The following ETNPPL variants were observed in gnomAD, a reference collection of about 807,000 sequenced individuals.
The protein encoded by ETNPPL is ethanolamine-phosphate phospho-lyase, also known as alanine--glyoxylate aminotransferase 2-like 1.
A neutral mutation model predicts 55.5 loss-of-function variants in ETNPPL; 30 were observed. The observed-to-expected ratio is 0.54, with a 90% confidence interval of 0.40 to 0.73. The LOEUF (loss-of-function observed/expected upper bound fraction) is 0.73, where lower values mean the gene tolerates loss of function less well. ETNPPL is among the 30% of genes least tolerant of loss of function. The probability of loss-of-function intolerance (pLI) is 0.00; values close to 1 mark genes in which losing one functional copy is unlikely to be tolerated. For missense variants in ETNPPL, 528 were observed against 607.9 expected (o/e 0.87, Z 1.38); for synonymous variants, 202 against 207.2 (o/e 0.98, Z 0.21).
chr4:108,754,272 C>T (rs1207886549), intron 5 of ETNPPL, among the ~76,000 whole-genome samples: 1 of 151,986 alleles, frequency 6.6e-6, no homozygotes, highest in Non-Finnish European at 1.5e-5. Flanking sequence ...GCCACTGTGC[C>T]CGGCCAAGAG....
rs370391807 is a variant in ETNPPL at position 108,742,457 on chromosome 4, C to T, written c.*27G>A. On this transcript the variant is annotated 3_prime_UTR_variant, in exon 13 of 13. Transcript: ENST00000296486. ...ACTCATTCTCTGTAACTCTGGACAT[C>T]GCATCTTGCTTTAAAATGCAAATCA... The T allele has an allele frequency of 3.2e-5, 52 of 1,612,624 alleles. No individual in the cohort carries two copies. In the African/African-American group the frequency reaches 6.1e-4, roughly 19 times the overall value.
At chr4:108,762,499 C>G (rs925468272) in intron 1 of ETNPPL, 2 of 667,548 alleles carry the variant, frequency 3.0e-6, no homozygotes, top group Non-Finnish European at 5.5e-6. Flanking sequence ...GAGCGCTATC[C>G]TTCTTCCACC....
intron 11 of ETNPPL, 79 bp downstream of exon 11, chr4:108,746,320 T>C: frequency 1.5e-6 from 2 of 1,338,100 alleles, no homozygotes; most frequent in Non-Finnish European, 2.0e-6. Flanking sequence ...ATGCATATGC[T>C]CATTATGACT....
chr4:108,762,887 C>T lies in ETNPPL; in HGVS notation c.12G>A (p.Leu4=), dbSNP rs1729587876. 6.2e-7 allele frequency: 1 copy of T among 1,613,978 alleles called. No homozygotes were observed. Among genetic ancestry groups the T allele is most frequent in the African/African-American group, 1.3e-5 (1 of 74,946 alleles). The stretch of plus-strand genomic sequence containing the variant: ...GCCCCAGAGTGTCCCGCTTACTGTA[C>T]AGCTCGCACATGGTGGCGGGGTGCA... MCE[L]YSKRDTLGLR... Residue 4 remains leucine, a synonymous_variant, in exon 1 of 13, where the codon CTG becomes CTA. Transcript: ENST00000296486.
At chr4:108,759,521 C>T (rs1729403537) in intron 3 of ETNPPL, among the ~76,000 whole-genome samples, 1 of 151,802 alleles carries the variant, frequency 6.6e-6, no homozygotes, top group South Asian at 2.1e-4. Flanking sequence ...CTACTTATTG[C>T]ACTGCCTGAG....
intron 1 of ETNPPL, among the ~76,000 whole-genome samples, chr4:108,761,018 T>C (rs941800560): frequency 1.3e-5 from 2 of 152,236 alleles, no homozygotes; most frequent in African/African-American, 4.8e-5. Context: ...ACTTGTCCAG[T>C]ATCAAATGGA....
rs372065522 is a variant in ETNPPL at position 108,752,965 on chromosome 4, G to C, written c.548C>G (p.Ala183Gly). Reference protein sequence around the residue: ...TYRGKYREDHADSASAYADEV... With the variant: ...TYRGKYREDHGDSASAYADEV... ...ATCTGCATAAGCACTGGCTGAGTCT[G>C]CATGGTCTTCTCTATATTTTCCTCT... Residue 183 changes from alanine (A) to glycine (G), a missense_variant, in exon 6 of 13, where the codon GCA (alanine) becomes GGA (glycine). Coordinates refer to ENST00000296486, the MANE Select transcript of ETNPPL (RefSeq NM_031279.4). 1.1e-5 allele frequency: 17 copies of C among 1,612,068 alleles called. No homozygotes were observed. Among genetic ancestry groups the C allele is most frequent in the Non-Finnish European group, 1.4e-5 (17 of 1,178,912 alleles).
intron 6 of ETNPPL, among the ~76,000 whole-genome samples, chr4:108,752,151 T>C (rs888466139): frequency 2.0e-5 from 3 of 152,170 alleles, no homozygotes; most frequent in African/African-American, 7.2e-5. Context: ...TGAATGGCTC[T>C]CTAGTCATGA....
chr4:108,746,557 T>C (rs1228952824), intron 10 of ETNPPL, 28 bp from the exon 11 acceptor site: 8 of 1,608,634 alleles, frequency 5.0e-6, no homozygotes, highest in Non-Finnish European at 6.8e-6. Flanking sequence ...TACATGTGAG[T>C]GTATGCAAAG....
chr4:108,744,736 T>C (rs1578373835), intron 11 of ETNPPL, among the ~76,000 whole-genome samples: 1 of 147,122 alleles, frequency 6.8e-6, no homozygotes, highest in East Asian at 2.5e-4. Context: ...TTTTTTTTTT[T>C]TGGAGACAGG....
chr4:108,761,788 T>C (rs1350743698), intron 1 of ETNPPL, among the ~76,000 whole-genome samples: 3 of 152,176 alleles, frequency 2.0e-5, no homozygotes, highest in Non-Finnish European at 4.4e-5. Flanking sequence ...CTGAGAGAGA[T>C]GGAACTAGTC....
intron 5 of ETNPPL, among the ~76,000 whole-genome samples, chr4:108,753,864 C>G (rs1729067616): frequency 6.6e-6 from 1 of 151,456 alleles, no homozygotes; most frequent in Non-Finnish European, 1.5e-5. Context: ...AAGACAAACA[C>G]ACCAAATAAA....
chr4:108,743,742 C>A, intron 12 of ETNPPL, 47 bp downstream of exon 12: 1 of 1,338,588 alleles, frequency 7.5e-7, no homozygotes, highest in South Asian at 1.2e-5. Flanking sequence ...TTAAACATTC[C>A]CCAAATTTTA....
At chr4:108,750,855 A>G in intron 7 of ETNPPL, 81 bp downstream of exon 7, 2 of 1,022,694 alleles carry the variant, frequency 2.0e-6, no homozygotes, top group Non-Finnish European at 3.1e-6. Context: ...AATTATTTTA[A>G]TATCTTAGCA....
chr4:108,762,660 G>C, intron 1 of ETNPPL, 183 bp downstream of exon 1: 4 of 738,644 alleles, frequency 5.4e-6, no homozygotes, highest in East Asian at 2.7e-5. Context: ...CGGGTTCCAG[G>C]AGCGTTTCTG....
At chr4:108,762,750 C>A in intron 1 of ETNPPL, 93 bp downstream of exon 1, 1 of 1,436,700 alleles carries the variant, frequency 7.0e-7, no homozygotes, top group Non-Finnish European at 9.8e-7. Flanking sequence ...GGCTGCAGCG[C>A]ATCGTTTGTT....
chr4:108,755,114 A>G (rs970820857), intron 4 of ETNPPL, among the ~76,000 whole-genome samples: 1 of 152,216 alleles, frequency 6.6e-6, no homozygotes, highest in South Asian at 2.1e-4. Flanking sequence ...TAAATTTAAA[A>G]ACAACTTTAT....
At chr4:108,759,292 T>C (rs1431196000) in intron 3 of ETNPPL, among the ~76,000 whole-genome samples, 1 of 149,598 alleles carries the variant, frequency 6.7e-6, no homozygotes, top group African/African-American at 2.5e-5. Context: ...TCCCAGCTAC[T>C]TGGGAGGCTG....
chr4:108,762,565 C>T lies in ETNPPL; in HGVS notation c.56+278G>A, dbSNP rs940271720. The T allele has an allele frequency of 1.7e-5, 11 of 628,940 alleles. No homozygotes were observed. In the South Asian group the frequency reaches 1.8e-4, roughly 10 times the overall value. 39.0% of individuals were successfully genotyped at this position (628,940 alleles called of 1,614,324 possible). ...GGGCTATTGGCCGTCATCCACCAAC[C>T]CCTCTAGCCGGCCGGCAGCCCCCGC... On this transcript the variant is annotated intron_variant, in intron 1 of 12. Coordinates refer to ENST00000296486, the MANE Select transcript of ETNPPL (RefSeq NM_031279.4).
Sources: gnomAD v4.1 joint callset for allele counts (sites outside exome capture counted in the v4.1 genomes callset) on GRCh38, gnomAD v4.1.1 for gene constraint, MANE v1.5 for transcripts, NCBI Gene and HGNC (gene_info 2026-07-23, HGNC 2026-07-21) for gene names.